Variants in ARHGAP6 observed in about 807,000 individuals in gnomAD.
ARHGAP6 encodes the protein Rho GTPase activating protein 6.
ARHGAP6 carries 16 observed loss-of-function variants against 55.7 expected under a neutral mutation model. The observed-to-expected ratio is 0.29, with a 90% CI of 0.19 to 0.44. The LOEUF is 0.44. ARHGAP6 is among the 20% of genes least tolerant of loss of function. The pLI is 1.00. For missense variants in ARHGAP6, 698 were observed against 808.9 expected (o/e 0.86, Z 1.66); for synonymous variants, 382 against 360.9 (o/e 1.06, Z -0.66).
chrX:11,622,561 G>A (rs2052242360), intron 1 of ARHGAP6, among the ~76,000 whole-genome samples: 1 of 111,364 alleles, frequency 9.0e-6, no homozygotes, highest in Non-Finnish European at 1.9e-5. Flanking sequence ...ATAAAAAATG[G>A]GGAGAACTAT....
chrX:11,210,104 T>C (rs572505469), intron 2 of ARHGAP6, among the ~76,000 whole-genome samples: 2 of 112,472 alleles, frequency 1.8e-5, no homozygotes, highest in East Asian at 2.8e-4. Context: ...TCCAATAGTA[T>C]AGTTTTGTAT....
chrX:11,453,295 A>AAT (rs772378489), intron 1 of ARHGAP6, among the ~76,000 whole-genome samples: 13 of 97,598 alleles, frequency 1.3e-4, no homozygotes, highest in East Asian at 9.0e-4. Flanking sequence ...ATATATACAT[A>AAT]ATATATATAT....
chrX:11,385,201 G>GTCACA (rs1180556917), intron 1 of ARHGAP6, among the ~76,000 whole-genome samples: 22 of 111,203 alleles, frequency 2.0e-4, no homozygotes, highest in African/African-American at 6.5e-4. Flanking sequence ...TAAATTTGAA[G>GTCACA]TCACATTCTC....
chrX:11,468,389 TCA>T (rs1458621959), intron 1 of ARHGAP6, among the ~76,000 whole-genome samples: 1 of 112,097 alleles, frequency 8.9e-6, no homozygotes, highest in Admixed American at 9.5e-5. Context: ...CCCCTTCATT[TCA>T]CAGTAATCTT....
intron 1 of ARHGAP6, among the ~76,000 whole-genome samples, chrX:11,614,728 A>G (rs969448300): frequency 8.0e-5 from 9 of 112,147 alleles, no homozygotes; most frequent in African/African-American, 2.9e-4. Context: ...CAAACGTAGC[A>G]CATGTATTCT....
chrX:11,232,817 C>T (rs1220659150), intron 2 of ARHGAP6, among the ~76,000 whole-genome samples: 1 of 111,770 alleles, frequency 8.9e-6, no homozygotes, highest in Non-Finnish European at 1.9e-5. Context: ...AGTTCTCAAA[C>T]AAAATTGTGC....
intron 1 of ARHGAP6, among the ~76,000 whole-genome samples, chrX:11,441,651 G>A (rs1025277191): frequency 1.8e-5 from 2 of 111,736 alleles, no homozygotes; most frequent in African/African-American, 6.5e-5. Flanking sequence ...AAGCACAGGG[G>A]CCATGCCACT....
intron 1 of ARHGAP6, among the ~76,000 whole-genome samples, chrX:11,329,390 AGTGATAAATTAGAAAAC>A (rs1378450983): frequency 9.8e-5 from 11 of 112,375 alleles, no homozygotes; most frequent in Non-Finnish European, 1.7e-4. Flanking sequence ...AACAGGAAAG[AGTGATAAATTAGAAAAC>A]GTCAAGCCAT....
chrX:11,347,699 T>A (rs1334209867), intron 1 of ARHGAP6, among the ~76,000 whole-genome samples: 1 of 112,245 alleles, frequency 8.9e-6, no homozygotes, highest in East Asian at 2.8e-4. Flanking sequence ...GGCATTCCCA[T>A]TATGGAAGGC....
In ARHGAP6 at chrX:11,434,671, G is replaced by A. The variant is rs192021685; in HGVS notation, c.589-179964C>T. ...ATATTGGTTTCCCTCCCCTCCCCCCGCCAACTAATCTATCTTGTGATAATG... is the reference window on the plus strand; with the variant it reads ...ATATTGGTTTCCCTCCCCTCCCCCCACCAACTAATCTATCTTGTGATAATG... On this transcript the variant is annotated intron_variant, in intron 1 of 12. Coordinates refer to ENST00000337414, the MANE Select transcript of ARHGAP6 (RefSeq NM_013427.3). 3.8e-4 allele frequency among the ~76,000 whole-genome samples: 42 copies of A among 110,914 alleles called. No homozygotes were observed. The East Asian group carries it at 0.011, about 30-fold the overall frequency.
rs185369693 is a variant in ARHGAP6 at position 11,364,696 on chromosome X, T to A, written c.589-109989A>T. On this transcript the variant is annotated intron_variant, in intron 1 of 12. Transcript: ENST00000337414. ...TACAAAAAAGAGCAAGAAATAAAAA[T>A]AACAGTGGTCTTAAATAAGATGCAA... Among the ~76,000 whole-genome samples, 759 of 111,779 alleles carry A rather than the reference T, an allele frequency of 6.8e-3. 2 individuals carry two copies. Among genetic ancestry groups the A allele is most frequent in the Non-Finnish European group, 0.011 (566 of 53,099 alleles).
intron 11 of ARHGAP6, 148 bp from the exon 12 acceptor site, chrX:11,142,461 C>T (rs1032261520): frequency 2.5e-4 from 74 of 295,835 alleles, no homozygotes; most frequent in Non-Finnish European, 3.6e-4. Flanking sequence ...CACCTTTCAG[C>T]GTGTTCATTC....
intron 1 of ARHGAP6, among the ~76,000 whole-genome samples, chrX:11,473,693 A>G (rs2050373477): frequency 8.9e-6 from 1 of 111,773 alleles, no homozygotes; most frequent in Admixed American, 9.5e-5. Context: ...GGCCTCCAGA[A>G]CTGACAGAGA....
At position 11,340,270 on chromosome X, in the gene ARHGAP6, C is replaced by T. The variant is rs757149482; in HGVS notation, c.589-85563G>A. Among the ~76,000 whole-genome samples, 121 of 111,789 alleles carry T rather than the reference C, an allele frequency of 1.1e-3. 1 individual carries two copies. Among genetic ancestry groups the T allele is most frequent in the African/African-American group, 3.8e-3 (117 of 30,766 alleles). ...ATCTACAGCACCTCATGGCATTGCT[C>T]CCTTCACTCACTAGACTCCCAACTC... On this transcript the variant is annotated intron_variant, in intron 1 of 12. Transcript: ENST00000337414.
At chrX:11,586,378 A>G (rs777192266) in intron 1 of ARHGAP6, among the ~76,000 whole-genome samples, 25 of 111,614 alleles carry the variant, frequency 2.2e-4, no homozygotes, top group Non-Finnish European at 4.3e-4. Context: ...TACAGTTTCA[A>G]TCTCTGCATA....
intron 1 of ARHGAP6, among the ~76,000 whole-genome samples, chrX:11,259,166 C>T (rs367668322): frequency 1.6e-4 from 18 of 111,367 alleles, no homozygotes; most frequent in African/African-American, 5.2e-4. Context: ...CTGTGGTAAC[C>T]GTCCTTCTAC....
At chrX:11,227,725 G>A (rs2147432193) in intron 2 of ARHGAP6, among the ~76,000 whole-genome samples, 1 of 110,148 alleles carries the variant, frequency 9.1e-6, no homozygotes, top group East Asian at 2.9e-4. Context: ...TTCCCTGAAG[G>A]AACTCACCGT....
intron 1 of ARHGAP6, among the ~76,000 whole-genome samples, chrX:11,496,937 T>C (rs1348078204): frequency 8.9e-6 from 1 of 112,270 alleles, no homozygotes; most frequent in African/African-American, 3.2e-5. Flanking sequence ...GGAAGCTGTA[T>C]CACACATCAG....
At chrX:11,350,142 T>C (rs1422898780) in intron 1 of ARHGAP6, among the ~76,000 whole-genome samples, 1 of 111,469 alleles carries the variant, frequency 9.0e-6, no homozygotes, top group African/African-American at 3.3e-5. Flanking sequence ...AGTTCCCTTT[T>C]CTAGAAAATG....
Sources: allele counts gnomAD v4.1 joint callset (sites outside exome capture counted in the v4.1 genomes callset), GRCh38; gene constraint gnomAD v4.1.1; transcripts MANE v1.5; gene names NCBI Gene and HGNC (gene_info 2026-07-23, HGNC 2026-07-21).